The following C20orf141 variants were observed in gnomAD, a reference collection of about 807,000 sequenced individuals.
C20orf141 encodes the protein chromosome 20 open reading frame 141, also known as uncharacterized protein C20orf141.
In C20orf141, 8 loss-of-function variants were observed where a neutral mutation model predicts 7.8. The observed-to-expected ratio is 1.03, with a 90% CI of 0.60 to 1.85. The LOEUF (loss-of-function observed/expected upper bound fraction) is 1.85. C20orf141 is among the 40% of genes most tolerant of loss of function. The pLI is 0.00. For missense variants in C20orf141, 220 were observed against 203.1 expected, an observed-to-expected ratio of 1.08 and a Z score of -0.51; for synonymous variants, 101 against 90.8, an observed-to-expected ratio of 1.11 and a Z score of -0.64.
chr20:2,815,392 C>T lies in C20orf141; in HGVS notation c.208C>T (p.Pro70Ser). 6.4e-7 allele frequency: 1 copy of T among 1,573,932 alleles called. No individual in the cohort carries two copies. Among genetic ancestry groups the T allele is most frequent in the Non-Finnish European group, 8.6e-7 (1 of 1,157,216 alleles). Residue 70 changes from proline (P) to serine (S), a missense_variant, in exon 2 of 3, where the codon CCA becomes TCA. Coordinates refer to ENST00000603872, the MANE Select transcript of C20orf141 (RefSeq NM_001256538.2). ...CCAGGCAGTCTTTTCCACCACTGGC[C>T]CAGCCCTGCTGCTGCTTCTGGTCAG... ...TIQAVFSTTG[P>S]ALLLLLVSFL... is the part of the protein sequence containing the mutation.
rs762917369 is a variant in C20orf141, at chr20:2,815,706, G to A, written c.429G>A (p.Pro143=). The change falls in exon 3 of 3, where the codon CCG becomes CCA. Residue 143 remains proline, a synonymous_variant. Transcript: ENST00000603872. ...TGCTGCTGCTCATGGGGCTGGGCCC[G>A]CTCCTGAGAGCCTGTGGCATGCCCT... The part of the protein sequence containing the change: ...ALLLLLMGLG[P]LLRACGMPLT... The A allele has an allele frequency of 1.1e-5, 18 of 1,613,980 alleles. No individual in the cohort carries two copies. Among genetic ancestry groups the A allele is most frequent in the African/African-American group, 2.7e-5 (2 of 75,056 alleles).
chr20:2,815,544 A>G lies in C20orf141; in HGVS notation c.267A>G (p.Ala89=), dbSNP rs1330641729. The change falls in exon 3 of 3, where the codon GCA becomes GCG. Residue 89 remains alanine (A), a synonymous_variant. Coordinates refer to ENST00000603872, the MANE Select transcript of C20orf141 (RefSeq NM_001256538.2). ...CCACCCTCTCTCTCCACAGGCCCGC[A>G]GGTCACACTCTGCCACAGCGCAAAC... The part of the protein sequence containing the change: ...FLTFDLLHRP[A]GHTLPQRKLL... The G allele has an allele frequency of 6.2e-7, 1 of 1,611,410 alleles. No individual in the cohort carries two copies. Among genetic ancestry groups the G allele is most frequent in the Admixed American group, 1.7e-5 (1 of 59,930 alleles).
rs780139175 is a variant in C20orf141 at position 2,815,615 on chromosome 20, AG to A, written c.339del (p.Gln113HisfsTer33). On this transcript the variant is annotated frameshift_variant, in exon 3 of 3. Coordinates refer to ENST00000603872, the MANE Select transcript of C20orf141 (RefSeq NM_001256538.2). LOFTEE classifies it low-confidence loss of function (END_TRUNC). ...CAGGGGGCCGGTGAAGGTCCTGGAC[AG>A]CAGGAGGCTCTACTCCTGCAAATGG... ...QSQGAGEGPG[Q>X]QEALLLQMGT... is the part of the protein sequence containing the mutation. 1.9e-6 allele frequency: 3 copies of A among 1,614,128 alleles called. No individual in the cohort carries two copies. Among genetic ancestry groups the A allele is most frequent in the Admixed American group, 1.7e-5 (1 of 60,032 alleles).
At position 2,815,320 on chromosome 20, in the gene C20orf141, C is replaced by T. The variant is rs1466448167; in HGVS notation, c.136C>T (p.Gln46Ter). The change falls in exon 2 of 3, where the codon CAG becomes TAG. Residue 46 changes from glutamine (Q) to a stop codon, truncating the protein, a stop_gained. Transcript: ENST00000603872. LOFTEE classifies it high-confidence loss of function. ...ATCCACCTGGGGCCCTAGCTGGGCC[C>T]AGCTCCTGGACAGTGTCCTATGGCT... ...PVSTWGPSWA[Q>*]LLDSVLWLGA... 23 of 1,609,106 alleles carry T rather than the reference C, an allele frequency of 1.4e-5. No individual in the cohort carries two copies. Among genetic ancestry groups the T allele is most frequent in the Non-Finnish European group, 1.8e-5 (21 of 1,177,160 alleles).
At position 2,815,285 on chromosome 20, in the gene C20orf141, G is replaced by A. The variant is rs374163831; in HGVS notation, c.101G>A (p.Arg34His). The change falls in exon 2 of 3, where the codon CGT becomes CAT. Residue 34 changes from arginine (R) to histidine (H), a missense_variant. Coordinates refer to ENST00000603872, the MANE Select transcript of C20orf141 (RefSeq NM_001256538.2). ...GGGGAGGGGTCAGGTAGTCCAGTGC[G>A]TCCACCTGTATCCACCTGGGGCCCT... ...GAGEGSGSPVRPPVSTWGPSW... is the reference protein window; with the variant it reads ...GAGEGSGSPVHPPVSTWGPSW... The A allele has an allele frequency of 1.5e-5, 25 of 1,613,050 alleles. No homozygotes were observed. The highest frequency in any genetic ancestry group is 6.6e-5 in the South Asian group (6 of 90,964).
rs746412782 is a variant in C20orf141 at position 2,815,598 on chromosome 20, C to T, written c.321C>T (p.Ala107=). 7 of 1,614,044 alleles carry T rather than the reference C, an allele frequency of 4.3e-6. No individual in the cohort carries two copies. The highest frequency in any genetic ancestry group is 1.6e-4 in the Middle Eastern group (1 of 6,062). The change falls in exon 3 of 3, where the codon GCC becomes GCT. Residue 107 remains alanine (A), a synonymous_variant. Coordinates refer to ENST00000603872, the MANE Select transcript of C20orf141 (RefSeq NM_001256538.2). The part of the protein sequence containing the change: ...KLLTRGQSQG[A]GEGPGQQEAL... ...TCACCAGGGGCCAGAGTCAGGGGGC[C>T]GGTGAAGGTCCTGGACAGCAGGAGG... is the stretch of plus-strand genomic sequence containing the variant.
In C20orf141 at chr20:2,815,337, C is replaced by T; in HGVS notation, c.153C>T (p.Val51=). 6.2e-7 allele frequency: 1 copy of T among 1,603,166 alleles called. No homozygotes were observed. Among genetic ancestry groups the T allele is most frequent in the Non-Finnish European group, 8.5e-7 (1 of 1,173,298 alleles). ...GCTGGGCCCAGCTCCTGGACAGTGT[C>T]CTATGGCTGGGGGCACTAGGACTGA... is the stretch of plus-strand genomic sequence containing the variant. ...GPSWAQLLDS[V]LWLGALGLTI... The change falls in exon 2 of 3, where the codon GTC becomes GTT. Residue 51 remains valine, a synonymous_variant. Transcript: ENST00000603872.
rs6107195 is a variant in C20orf141, at chr20:2,815,825, T to C, written c.*50T>C. On this transcript the variant is annotated 3_prime_UTR_variant, in exon 3 of 3. Coordinates refer to ENST00000603872, the MANE Select transcript of C20orf141 (RefSeq NM_001256538.2). The stretch of plus-strand genomic sequence containing the variant: ...CCTTCAAATATACAATGACCACCCT[T>C]CTTCATCAGGCCCCCTTTTCTCCTT... 0.029 allele frequency: 43,051 copies of C among 1,477,252 alleles called. 4,719 individuals are homozygous for C. In the African/African-American group the frequency reaches 0.35, roughly 12 times the overall value. 91.5% of individuals were successfully genotyped at this position (1,477,252 alleles called of 1,614,324 possible).
rs759239469 is a variant in C20orf141 at position 2,815,405 on chromosome 20, T to G, written c.221T>G (p.Leu74Arg). 10 of 1,566,336 alleles carry G rather than the reference T, an allele frequency of 6.4e-6. No individual in the cohort carries two copies. In the Admixed American group the frequency reaches 1.8e-4, roughly 28 times the overall value. Residue 74 changes from leucine (L) to arginine (R), a missense_variant, in exon 2 of 3, where the codon CTG (leucine) becomes CGG (arginine). Physicochemically the swap from Leu to Arg is moderately radical, Grantham distance 102. Coordinates refer to ENST00000603872, the MANE Select transcript of C20orf141 (RefSeq NM_001256538.2). ...TCCACCACTGGCCCAGCCCTGCTGC[T>G]GCTTCTGGTCAGCTTCCTCACCTTT... ...VFSTTGPALL[L>R]LLVSFLTFDL...
chr20:2,815,614 C>G lies in C20orf141; in HGVS notation c.337C>G (p.Gln113Glu). 1 of 1,614,116 alleles carries G rather than the reference C, an allele frequency of 6.2e-7. No homozygotes were observed. The highest frequency in any genetic ancestry group is 8.5e-7 in the Non-Finnish European group (1 of 1,180,016). ...TCAGGGGGCCGGTGAAGGTCCTGGA[C>G]AGCAGGAGGCTCTACTCCTGCAAAT... ...QSQGAGEGPG[Q>E]QEALLLQMGT... is the part of the protein sequence containing the mutation. The change falls in exon 3 of 3, where the codon CAG becomes GAG. Residue 113 changes from glutamine to glutamate, a missense_variant. By Grantham distance (29) the Gln-to-Glu change is conservative. Coordinates refer to ENST00000603872, the MANE Select transcript of C20orf141 (RefSeq NM_001256538.2).
In C20orf141 at chr20:2,815,771, C is replaced by A; in HGVS notation, c.494C>A (p.Ala165Asp). Reference protein sequence around the residue: ...LGLAFCLHPWA With the variant: ...LGLAFCLHPWD Reference sequence around the variant, plus strand: ...CTGGCTTTCTGCCTCCATCCTTGGGCCTGAGAGCCCCTCCCCACAACTCAG... The same window carrying A: ...CTGGCTTTCTGCCTCCATCCTTGGGACTGAGAGCCCCTCCCCACAACTCAG... Residue 165 changes from alanine (A) to aspartate (D), a missense_variant, in exon 3 of 3, where the codon GCC becomes GAC. Physicochemically the swap from Ala to Asp is moderately radical, Grantham distance 126. Coordinates refer to ENST00000603872, the MANE Select transcript of C20orf141 (RefSeq NM_001256538.2). The A allele has an allele frequency of 6.2e-7, 1 of 1,608,000 alleles. No individual in the cohort carries two copies. The highest frequency in any genetic ancestry group is 1.1e-5 in the South Asian group (1 of 90,998).
Position 2,815,333 on chromosome 20 carries a change from G to C in C20orf141, c.149G>C (p.Ser50Thr), listed in dbSNP as rs752613186. The C allele has an allele frequency of 8.1e-6, 13 of 1,604,518 alleles. No individual in the cohort carries two copies. The highest frequency in any genetic ancestry group is 2.7e-5 in the African/African-American group (2 of 74,668). ...CCTAGCTGGGCCCAGCTCCTGGACAGTGTCCTATGGCTGGGGGCACTAGGA... is the reference window on the plus strand; with the variant it reads ...CCTAGCTGGGCCCAGCTCCTGGACACTGTCCTATGGCTGGGGGCACTAGGA... The part of the protein sequence containing the change: ...WGPSWAQLLD[S>T]VLWLGALGLT... The change falls in exon 2 of 3, where the codon AGT (serine) becomes ACT (threonine). Residue 50 changes from serine to threonine, a missense_variant. Coordinates refer to ENST00000603872, the MANE Select transcript of C20orf141 (RefSeq NM_001256538.2).
In C20orf141 at chr20:2,815,144, C is replaced by A; in HGVS notation, c.-33-8C>A. 6.2e-7 allele frequency: 1 copy of A among 1,610,104 alleles called. No individual in the cohort carries two copies. Among genetic ancestry groups the A allele is most frequent in the South Asian group, 1.1e-5 (1 of 90,326 alleles). ...TTCCCCTACTCTCACCCTTATAATC[C>A]TTTTCAGCACTAGGTCTTCCCGTCA... On this transcript the variant is annotated splice_region_variant and splice_polypyrimidine_tract_variant and intron_variant, in intron 1 of 2. Coordinates refer to ENST00000603872, the MANE Select transcript of C20orf141 (RefSeq NM_001256538.2).
chr20:2,815,064 A>C, intron 1 of C20orf141, 47 bp downstream of exon 1: 2 of 1,265,686 alleles, frequency 1.6e-6, no homozygotes, highest in Non-Finnish European at 2.2e-6. Context: ...GAGACTCTGC[A>C]GGAGCCTAAT....
Position 2,815,629 on chromosome 20 carries a change from C to G in C20orf141, c.352C>G (p.Leu118Val), listed in dbSNP as rs1439845581. ...AGGTCCTGGACAGCAGGAGGCTCTA[C>G]TCCTGCAAATGGGTACAGTCTCAGG... The part of the protein sequence containing the change: ...GEGPGQQEAL[L>V]LQMGTVSGQL... Residue 118 changes from leucine to valine, a missense_variant, in exon 3 of 3, where the codon CTC becomes GTC. Leu to Val is a conservative substitution (Grantham distance 32). Coordinates refer to ENST00000603872, the MANE Select transcript of C20orf141 (RefSeq NM_001256538.2). 5 of 1,614,134 alleles carry G rather than the reference C, an allele frequency of 3.1e-6. No homozygotes were observed. In the Admixed American group the frequency reaches 8.3e-5, roughly 27 times the overall value.
chr20:2,815,012 G>A lies in C20orf141; in HGVS notation c.-39G>A. On this transcript the variant is annotated 5_prime_UTR_variant, in exon 1 of 3. Transcript: ENST00000603872. ...ACTCCCAGAATGCTGACCAAAGTGG[G>A]AGGAGGTGAGGAGGGTTTGCTGGGT... 1.3e-6 allele frequency: 1 copy of A among 769,784 alleles called. No individual in the cohort carries two copies. The allele number at this position is 769,784 out of a possible 1,614,324, so 47.7% of individuals were successfully genotyped here.
Position 2,815,300 on chromosome 20 carries a change from C to A in C20orf141, c.116C>A (p.Thr39Asn). 1 of 1,611,328 alleles carries A rather than the reference C, an allele frequency of 6.2e-7. No homozygotes were observed. The highest frequency in any genetic ancestry group is 8.5e-7 in the Non-Finnish European group (1 of 1,178,436). The change falls in exon 2 of 3, where the codon ACC (threonine) becomes AAC (asparagine). Residue 39 changes from threonine (T) to asparagine (N), a missense_variant. Transcript: ENST00000603872. The stretch of plus-strand genomic sequence containing the variant: ...AGTCCAGTGCGTCCACCTGTATCCA[C>A]CTGGGGCCCTAGCTGGGCCCAGCTC... The part of the protein sequence containing the change: ...SGSPVRPPVS[T>N]WGPSWAQLLD...
At position 2,815,198 on chromosome 20, in the gene C20orf141, G is replaced by C. The variant is rs1279980924; in HGVS notation, c.14G>C (p.Cys5Ser). The change falls in exon 2 of 3, where the codon TGC becomes TCC. Residue 5 changes from cysteine (C) to serine (S), a missense_variant. Transcript: ENST00000603872. ...CCACCTCTCTCCATGACCCGGCTCT[G>C]CTTACCCAGACCCGAAGCACGTGAG... MTRL[C>S]LPRPEAREDP... 5 of 1,613,924 alleles carry C rather than the reference G, an allele frequency of 3.1e-6. No individual in the cohort carries two copies. Among genetic ancestry groups the C allele is most frequent in the Non-Finnish European group, 4.2e-6 (5 of 1,180,006 alleles).
Position 2,815,031 on chromosome 20 carries a change from G to T in C20orf141, c.-34+14G>T. 3.1e-6 allele frequency: 3 copies of T among 960,370 alleles called. No homozygotes were observed. Among genetic ancestry groups the T allele is most frequent in the African/African-American group, 3.3e-5 (2 of 60,888 alleles). 59.5% of individuals were successfully genotyped at this position (960,370 alleles called of 1,614,324 possible). ...AAGTGGGAGGAGGTGAGGAGGGTTT[G>T]CTGGGTGGGTATGGGGGAGGGGGAG... On this transcript the variant is annotated intron_variant, in intron 1 of 2. Transcript: ENST00000603872.
Sources: gnomAD v4.1 joint callset for allele counts on GRCh38, gnomAD v4.1.1 for gene constraint, MANE v1.5 for transcripts, NCBI Gene and HGNC (gene_info 2026-07-23, HGNC 2026-07-21) for gene names.